IL19: variants seen among roughly 807,000 people sequenced by gnomAD.
IL19 encodes interleukin-19.
Under a neutral mutation model 19.5 loss-of-function variants are expected in IL19, and 15 were observed. The observed-to-expected ratio is 0.77, with a 90% confidence interval of 0.52 to 1.19. The LOEUF (loss-of-function observed/expected upper bound fraction) is 1.19, where lower values mean the gene tolerates loss of function less well. Among genes scored for constraint, IL19 ranks in the 50% most tolerant of loss-of-function variants. The pLI, the probability that IL19 is intolerant of heterozygous loss-of-function variation, is 0.00. For synonymous variants in IL19, 78 were observed against 78.3 expected (o/e 1.00, Z 0.02); for missense variants, 199 against 213.1 (o/e 0.93, Z 0.41).
intron 2 of IL19, among the ~76,000 whole-genome samples, chr1:206,820,737 T>C (rs1676271717): frequency 2.0e-5 from 3 of 152,258 alleles, no homozygotes; most frequent in Non-Finnish European, 4.4e-5. Context: ...AGCTGTGGAC[T>C]GGCACAATGA....
At chr1:206,828,835 C>A in intron 2 of IL19, 1 of 151,836 alleles carries the variant, frequency 6.6e-6, no homozygotes, top group South Asian at 2.1e-4. Flanking sequence ...TTTTTGAATT[C>A]AATTTATTTT....
At chr1:206,839,745 CT>C in intron 4 of IL19, 104 bp from the exon 5 acceptor site, 1 of 1,001,520 alleles carries the variant, frequency 1.0e-6, no homozygotes, top group South Asian at 1.6e-5. Context: ...TCCAAAATGA[CT>C]TTTAGTTCTC....
intron 2 of IL19, among the ~76,000 whole-genome samples, chr1:206,807,779 A>G (rs956885533): frequency 6.6e-6 from 1 of 152,238 alleles, no homozygotes; most frequent in Non-Finnish European, 1.5e-5. Flanking sequence ...ACTGTGTATG[A>G]CAAAGAAATG....
At chr1:206,827,361 T>A (rs1676462719) in intron 2 of IL19, among the ~76,000 whole-genome samples, 1 of 152,230 alleles carries the variant, frequency 6.6e-6, no homozygotes, top group Non-Finnish European at 1.5e-5. Flanking sequence ...TCTCTAATTT[T>A]GTCCATCTAT....
chr1:206,782,809 A>G (rs116896180), intron 1 of IL19, among the ~76,000 whole-genome samples: 322 of 152,310 alleles, frequency 2.1e-3, no homozygotes, highest in South Asian at 0.01. Context: ...GACAGGCTCT[A>G]CTGCAGGCTT....
At chr1:206,805,770 A>G (rs11119602) in intron 2 of IL19, among the ~76,000 whole-genome samples, 46,977 of 152,208 alleles carry the variant, frequency 0.31, 8,019 homozygotes, top group East Asian at 0.67. Flanking sequence ...AGCAGAAGCC[A>G]TATGTAGAAA....
At chr1:206,772,062 G>T (rs547815096) in intron 1 of IL19, among the ~76,000 whole-genome samples, 1 of 152,298 alleles carries the variant, frequency 6.6e-6, no homozygotes, top group East Asian at 1.9e-4. Context: ...TATAAGGCAG[G>T]TTTCCTGCAC....
At chr1:206,799,862 C>T (rs1318634686) in intron 2 of IL19, among the ~76,000 whole-genome samples, 6 of 152,228 alleles carry the variant, frequency 3.9e-5, no homozygotes, top group Admixed American at 3.9e-4. Flanking sequence ...AGTGACCTCT[C>T]TCCTGAATAC....
intron 4 of IL19, 121 bp downstream of exon 4, chr1:206,837,144 C>A: frequency 1.3e-6 from 1 of 764,276 alleles, no homozygotes; most frequent in Non-Finnish European, 2.1e-6. Flanking sequence ...ACTCTAAATG[C>A]ACCAGGCTTC....
intron 1 of IL19, among the ~76,000 whole-genome samples, chr1:206,783,009 T>C (rs928245969): frequency 3.3e-5 from 5 of 152,194 alleles, no homozygotes; most frequent in African/African-American, 1.2e-4. Context: ...TAAATCAATA[T>C]CATTGGCTTG....
chr1:206,798,168 C>T (rs1675573401), intron 1 of IL19, among the ~76,000 whole-genome samples: 1 of 152,172 alleles, frequency 6.6e-6, no homozygotes, highest in African/African-American at 2.4e-5. Flanking sequence ...TGGGGTCTCA[C>T]TATATTGCCC....
chr1:206,809,675 G>T (rs1027190382), intron 2 of IL19, among the ~76,000 whole-genome samples: 4 of 152,120 alleles, frequency 2.6e-5, no homozygotes, highest in African/African-American at 9.7e-5. Context: ...TTGTGCAATT[G>T]GCACTAGATG....
intron 2 of IL19, among the ~76,000 whole-genome samples, chr1:206,823,960 G>A (rs1403095941): frequency 6.6e-6 from 1 of 152,214 alleles, no homozygotes; most frequent in Non-Finnish European, 1.5e-5. Context: ...ACTTGGGCAA[G>A]TTTCAGTTTT....
intron 2 of IL19, among the ~76,000 whole-genome samples, chr1:206,832,113 G>T (rs981884021): frequency 2.6e-5 from 4 of 152,226 alleles, no homozygotes; most frequent in African/African-American, 9.6e-5. Flanking sequence ...GGGAAACAAG[G>T]GTGGGAGTAG....
intron 1 of IL19, among the ~76,000 whole-genome samples, chr1:206,787,516 G>A (rs1675294763): frequency 6.6e-6 from 1 of 152,228 alleles, no homozygotes; most frequent in Admixed American, 6.5e-5. Flanking sequence ...CTAAGGCACA[G>A]GTTTACGATT....
At chr1:206,808,721 G>T (rs17016339) in intron 2 of IL19, among the ~76,000 whole-genome samples, 122 of 152,132 alleles carry the variant, frequency 8.0e-4, no homozygotes, top group Non-Finnish European at 1.3e-3. Flanking sequence ...ATCCACCTTA[G>T]AGGGGCTTGT....
chr1:206,782,871 C>T (rs1294883561), intron 1 of IL19, among the ~76,000 whole-genome samples: 5 of 152,188 alleles, frequency 3.3e-5, no homozygotes, highest in African/African-American at 1.2e-4. Context: ...TCTCCCTCCT[C>T]TTTAATTCTA....
chr1:206,840,165 C>G lies in IL19; in HGVS notation c.363+163C>G, dbSNP rs2243183. 3.0e-3 allele frequency: 2,495 copies of G among 818,574 alleles called. 29 individuals carry two copies. The African/African-American group carries it at 0.037, about 12-fold the overall frequency. The allele number at this position is 818,574 out of a possible 1,614,324, so 50.7% of individuals were successfully genotyped here. ...TGTGGAGAACCTCTCCCAGTGGCCACTGCTTCCCCAGGGCTCCCTGCCTGC... is the reference window on the plus strand; with the variant it reads ...TGTGGAGAACCTCTCCCAGTGGCCAGTGCTTCCCCAGGGCTCCCTGCCTGC... On this transcript the variant is annotated intron_variant, in intron 5 of 6. Coordinates refer to ENST00000659997, the MANE Select transcript of IL19 (RefSeq NM_153758.5).
At chr1:206,834,311 T>C (rs1676711341) in intron 2 of IL19, 2 of 985,488 alleles carry the variant, frequency 2.0e-6, no homozygotes, top group African/African-American at 1.7e-5. Flanking sequence ...TTTCCTCTTA[T>C]CCACCTGAAT....
Sources: allele counts gnomAD v4.1 joint callset (sites outside exome capture counted in the v4.1 genomes callset), GRCh38; gene constraint gnomAD v4.1.1; transcripts MANE v1.5; gene names NCBI Gene and HGNC (gene_info 2026-07-23, HGNC 2026-07-21).